TIMP2: variants seen among roughly 807,000 people sequenced by gnomAD.
TIMP2 encodes the protein TIMP metallopeptidase inhibitor 2, also known as metalloproteinase inhibitor 2.
A neutral mutation model predicts 24.3 loss-of-function variants in TIMP2; 5 were observed. The observed-to-expected ratio is 0.21, with a 90% CI of 0.11 to 0.43. The LOEUF (loss-of-function observed/expected upper bound fraction) is 0.43, where lower values mean the gene tolerates loss of function less well. TIMP2 is among the 20% of genes least tolerant of loss of function. The probability of loss-of-function intolerance (pLI) is 1.00; values close to 1 mark genes in which losing one functional copy is unlikely to be tolerated. For missense variants in TIMP2, 221 were observed against 297.5 expected, an observed-to-expected ratio of 0.74 and a Z score of 1.89; for synonymous variants, 130 against 123.2, an observed-to-expected ratio of 1.06 and a Z score of -0.37.
At chr17:78,893,404 TGTGTGTGCATAGGGGTGTGTGTGCAGGG>T (rs796230595) in intron 1 of TIMP2, among the ~76,000 whole-genome samples, 12 of 123,274 alleles carry the variant, frequency 9.7e-5, no homozygotes, top group African/African-American at 4.2e-4. Flanking sequence ...TATGCAGGGG[TGTGTGTGCATAGGGGTGTGTGTGCAGGG>T]GTGTGTGCGT....
chr17:78,899,504 G>C (rs904635632), intron 1 of TIMP2: 2 of 152,216 alleles, frequency 1.3e-5, no homozygotes, highest in Non-Finnish European at 1.5e-5. Flanking sequence ...TCCTATCCCA[G>C]CCCCTGCGGG....
At chr17:78,867,056 T>C (rs376422306) in intron 3 of TIMP2, among the ~76,000 whole-genome samples, 1 of 151,374 alleles carries the variant, frequency 6.6e-6, no homozygotes, top group African/African-American at 2.4e-5. Context: ...AAGTCAGGAG[T>C]TCAAGACCAG....
chr17:78,890,697 G>A, intron 1 of TIMP2: 1 of 1,550,604 alleles, frequency 6.4e-7, no homozygotes, highest in Non-Finnish European at 8.7e-7. Context: ...AACTGCTTGT[G>A]CAACCTGTTT....
intron 3 of TIMP2, among the ~76,000 whole-genome samples, chr17:78,863,525 AGC>A (rs1400721144): frequency 6.6e-5 from 10 of 152,232 alleles, no homozygotes; most frequent in African/African-American, 2.4e-4. Flanking sequence ...CACAGGCGTC[AGC>A]CACTGCGCTG....
Position 78,870,938 on chromosome 17 carries a change from G to A in TIMP2, c.300C>T (p.Val100=), listed in dbSNP as rs1185104783. 6.2e-7 allele frequency: 1 copy of A among 1,613,832 alleles called. No individual in the cohort carries two copies. The highest frequency in any genetic ancestry group is 8.5e-7 in the Non-Finnish European group (1 of 1,179,924). Residue 100 remains valine (V), a synonymous_variant, in exon 3 of 5, where the codon GTC becomes GTT. Transcript: ENST00000262768. The stretch of plus-strand genomic sequence containing the variant: ...CCTTCTTTCCTCCAACGTCCAGCGA[G>A]ACCCCACACACTGCCGAGGAGGGGG... The part of the protein sequence containing the change: ...YTAPSSAVCG[V]SLDVGGKKEY...
At chr17:78,879,073 C>T (rs940221836) in intron 1 of TIMP2, among the ~76,000 whole-genome samples, 4 of 152,296 alleles carry the variant, frequency 2.6e-5, no homozygotes, top group Middle Eastern at 6.8e-3. Flanking sequence ...CTCAGAGCAG[C>T]GGGTACCTGT....
intron 3 of TIMP2, among the ~76,000 whole-genome samples, chr17:78,860,184 AAAAAAC>A (rs934614827): frequency 6.6e-6 from 1 of 151,940 alleles, no homozygotes; most frequent in African/African-American, 2.4e-5. Flanking sequence ...TTCAAAACAA[AAAAAAC>A]AAAAACAAAA....
At chr17:78,874,054 G>C (rs1367602448) in intron 1 of TIMP2, 135 bp from the exon 2 acceptor site, 3 of 673,800 alleles carry the variant, frequency 4.5e-6, no homozygotes, top group Non-Finnish European at 7.5e-6. Context: ...GACGGGCAAG[G>C]GGCATGGTGA....
intron 1 of TIMP2, among the ~76,000 whole-genome samples, chr17:78,888,317 C>A (rs1247550475): frequency 6.6e-6 from 1 of 151,944 alleles, no homozygotes; most frequent in Non-Finnish European, 1.5e-5. Context: ...CACCACCACG[C>A]CCGGCTAATT....
At chr17:78,907,311 C>T (rs867650693) in intron 1 of TIMP2, among the ~76,000 whole-genome samples, 3 of 152,218 alleles carry the variant, frequency 2.0e-5, no homozygotes, top group African/African-American at 7.2e-5. Context: ...GCTGGAATTA[C>T]AGGCATGAGT....
intron 1 of TIMP2, among the ~76,000 whole-genome samples, chr17:78,915,300 A>G (rs1034068418): frequency 6.6e-6 from 1 of 152,126 alleles, no homozygotes; most frequent in African/African-American, 2.4e-5. Context: ...TGCGGCAGGG[A>G]GAAAGATTAA....
chr17:78,854,904 G>A lies in TIMP2; in HGVS notation c.*763C>T, dbSNP rs907739575. On this transcript the variant is annotated 3_prime_UTR_variant, in exon 5 of 5. Transcript: ENST00000262768. ...AGGACCTCACCGATTCCTCCTGCAA[G>A]CTGGGGAGCATGTGGGCGGGGGGGG... 7.4e-6 allele frequency: 1 copy of A among 135,576 alleles called. No individual in the cohort carries two copies. Among genetic ancestry groups the A allele is most frequent in the African/African-American group, 2.7e-5 (1 of 36,792 alleles). The allele number at this position is 135,576 out of a possible 1,614,324, so 8.4% of individuals were successfully genotyped here.
At chr17:78,874,203 A>T (rs2069709818) in intron 1 of TIMP2, 1 of 435,336 alleles carries the variant, frequency 2.3e-6, no homozygotes, top group African/African-American at 2.0e-5. Flanking sequence ...GTCCCTTGTG[A>T]CCAAGGCAGT....
At chr17:78,906,332 CACT>C (rs1316950875) in intron 1 of TIMP2, among the ~76,000 whole-genome samples, 3 of 152,108 alleles carry the variant, frequency 2.0e-5, no homozygotes, top group Admixed American at 6.6e-5. Flanking sequence ...CATGCCACTG[CACT>C]CCAGCCTGAG....
chr17:78,891,105 T>C lies in TIMP2; in HGVS notation c.131-17186A>G. 2 of 1,550,886 alleles carry C rather than the reference T, an allele frequency of 1.3e-6. 1 individual carries two copies. The highest frequency in any genetic ancestry group is 2.4e-5 in the South Asian group (2 of 84,066). On this transcript the variant is annotated intron_variant, in intron 1 of 4. Coordinates refer to ENST00000262768, the MANE Select transcript of TIMP2 (RefSeq NM_003255.5). The surrounding 1 kb of genome is among the most constrained non-coding windows in gnomAD (Gnocchi z 4.5). The stretch of plus-strand genomic sequence containing the variant: ...GGGGTCTCTTGTCCAGATTCAGTGC[T>C]ATACAATAATGAGTCCTCTTTGTTG...
chr17:78,864,448 G>A (rs748113976), intron 3 of TIMP2, among the ~76,000 whole-genome samples: 5 of 141,464 alleles, frequency 3.5e-5, no homozygotes, highest in South Asian at 2.2e-4. Flanking sequence ...TTGCTATATC[G>A]TCCAGGCTGA....
At chr17:78,864,334 C>T (rs1488686670) in intron 3 of TIMP2, among the ~76,000 whole-genome samples, 1 of 151,326 alleles carries the variant, frequency 6.6e-6, no homozygotes, top group Non-Finnish European at 1.5e-5. Flanking sequence ...CCCTTCACTC[C>T]CTCCCTCCTT....
At chr17:78,866,900 A>G (rs544836881) in intron 3 of TIMP2, among the ~76,000 whole-genome samples, 2 of 152,266 alleles carry the variant, frequency 1.3e-5, no homozygotes, top group East Asian at 3.9e-4. Flanking sequence ...GGAGGGTAAT[A>G]GCTCAAGAAT....
chr17:78,882,164 G>A (rs766981506), intron 1 of TIMP2, among the ~76,000 whole-genome samples: 3 of 152,176 alleles, frequency 2.0e-5, no homozygotes, highest in Non-Finnish European at 2.9e-5. Flanking sequence ...TAGAGATGGG[G>A]TTTCACCATG....
Sources: gnomAD v4.1 joint callset for allele counts (sites outside exome capture counted in the v4.1 genomes callset) on GRCh38, gnomAD v4.1.1 for gene constraint, Gnocchi (gnomAD v3.1) non-coding constraint, MANE v1.5 for transcripts, NCBI Gene and HGNC (gene_info 2026-07-23, HGNC 2026-07-21) for gene names.